Variants in EML6 observed in about 807,000 individuals in gnomAD.
EML6 encodes EMAP like 6, also known as echinoderm microtubule-associated protein-like 6.
EML6 carries 154 observed loss-of-function variants against 240.1 expected under a neutral mutation model. The ratio of observed to expected loss-of-function variants is 0.64; its 90% CI spans 0.56 to 0.73. EML6 has a LOEUF of 0.73. Among genes scored for constraint, EML6 ranks in the 30% least tolerant of loss-of-function variants. The pLI, the probability that EML6 is intolerant of heterozygous loss-of-function variation, is 0.00. For missense variants in EML6, 2,964 were observed against 2,474.6 expected (o/e 1.20, Z -4.20); for synonymous variants, 1,148 against 899.0 (o/e 1.28, Z -4.95).
At position 54,930,953 on chromosome 2, in the gene EML6, C is replaced by CTTTT. The variant is rs34403438; in HGVS notation, c.4004+2221_4004+2224dup. Among the ~76,000 whole-genome samples the CTTTT allele has an allele frequency of 9.1e-4, 95 of 104,610 alleles. 1 individual carries two copies. The highest frequency in any genetic ancestry group is 1.2e-3 in the Admixed American group (11 of 8,836). 68.6% of individuals were successfully genotyped at this position (104,610 alleles called of 152,430 possible). ...ACCTCAGAGATCAGACCGTAGGCAT[C>CTTTT]TTTTTTTTTTTTTTTTTTTTTTGAG... On this transcript the variant is annotated intron_variant, in intron 28 of 41. Transcript: ENST00000356458.
At chr2:54,950,884 A>G in intron 30 of EML6, 105 bp downstream of exon 30, 1 of 1,221,036 alleles carries the variant, frequency 8.2e-7, no homozygotes, top group Non-Finnish European at 1.1e-6. Context: ...TCCCTTATAG[A>G]GCCATTCCCC....
intron 28 of EML6, among the ~76,000 whole-genome samples, chr2:54,939,808 C>G (rs1466330065): frequency 1.3e-5 from 2 of 152,166 alleles, no homozygotes; most frequent in African/African-American, 2.4e-5. Context: ...AGTGGAATTC[C>G]TCTCCCAATT....
chr2:54,896,240 A>C (rs1482560369), intron 21 of EML6, among the ~76,000 whole-genome samples: 1 of 152,138 alleles, frequency 6.6e-6, no homozygotes, highest in South Asian at 2.1e-4. Flanking sequence ...AGTGCCTTAG[A>C]TGTAAGTCCT....
At chr2:54,961,195 T>TGTTTG (rs1676493637) in intron 35 of EML6, among the ~76,000 whole-genome samples, 1 of 117,716 alleles carries the variant, frequency 8.5e-6, no homozygotes, top group Non-Finnish European at 1.7e-5. Context: ...TTTTTTTTTT[T>TGTTTG]TTTTTTTTGA....
Position 54,962,722 on chromosome 2 carries a change from C to A in EML6, c.5157+11C>A. On this transcript the variant is annotated intron_variant, in intron 36 of 41. Transcript: ENST00000356458. ...GACCTGGCTGACAAGGTGAGGCCGA[C>A]TCTGCCCAAACTCAGATGCCCACGA... 1 of 1,461,560 alleles carries A rather than the reference C, an allele frequency of 6.8e-7. No individual in the cohort carries two copies. Among genetic ancestry groups the A allele is most frequent in the Non-Finnish European group, 9.1e-7 (1 of 1,102,978 alleles). 90.5% of individuals were successfully genotyped at this position (1,461,560 alleles called of 1,614,324 possible).
chr2:54,888,764 C>T (rs1329004506), intron 17 of EML6, among the ~76,000 whole-genome samples: 1 of 152,144 alleles, frequency 6.6e-6, no homozygotes, highest in East Asian at 1.9e-4. Context: ...ACCCATTCAC[C>T]TGCTGAAGGA....
intron 26 of EML6, among the ~76,000 whole-genome samples, chr2:54,927,107 T>C (rs939464705): frequency 6.6e-6 from 1 of 152,220 alleles, no homozygotes; most frequent in Non-Finnish European, 1.5e-5. Flanking sequence ...GGAAATTCTT[T>C]TGTTCTGCCT....
At chr2:54,787,424 C>T (rs1432313882) in intron 2 of EML6, among the ~76,000 whole-genome samples, 1 of 152,142 alleles carries the variant, frequency 6.6e-6, no homozygotes, top group Non-Finnish European at 1.5e-5. Flanking sequence ...AGACCTAGGT[C>T]TGAATCTTGG....
chr2:54,793,986 C>G (rs115299318), intron 2 of EML6, among the ~76,000 whole-genome samples: 9 of 152,186 alleles, frequency 5.9e-5, no homozygotes, highest in Non-Finnish European at 1.2e-4. Flanking sequence ...AATAGCTCTT[C>G]GGTCAATTCC....
intron 13 of EML6, 145 bp from the exon 14 acceptor site, chr2:54,866,621 G>T: frequency 8.8e-6 from 4 of 452,608 alleles, no homozygotes; most frequent in South Asian, 5.7e-5. Context: ...TATTCATTAG[G>T]AAAAAGTAAT....
At chr2:54,776,602 G>C (rs1275644775) in intron 2 of EML6, among the ~76,000 whole-genome samples, 1 of 151,680 alleles carries the variant, frequency 6.6e-6, no homozygotes, top group East Asian at 1.9e-4. Flanking sequence ...TTTCATTTAT[G>C]ATCCCTTTGA....
chr2:54,943,456 T>C (rs1479609041), intron 28 of EML6, among the ~76,000 whole-genome samples: 1 of 152,190 alleles, frequency 6.6e-6, no homozygotes, highest in East Asian at 1.9e-4. Context: ...AACAGGTCCT[T>C]TGATTAATCT....
intron 25 of EML6, among the ~76,000 whole-genome samples, chr2:54,912,467 C>T (rs564542740): frequency 1.3e-5 from 2 of 152,086 alleles, no homozygotes; most frequent in Non-Finnish European, 2.9e-5. Flanking sequence ...TTTCATGGGT[C>T]TGTTGTATGA....
intron 6 of EML6, among the ~76,000 whole-genome samples, chr2:54,828,165 A>G (rs978456290): frequency 6.6e-6 from 1 of 152,198 alleles, no homozygotes; most frequent in African/African-American, 2.4e-5. Context: ...AAAGGTGTAG[A>G]TAACGATTGC....
At chr2:54,900,518 G>A (rs1347204701) in intron 22 of EML6, among the ~76,000 whole-genome samples, 2 of 152,222 alleles carry the variant, frequency 1.3e-5, no homozygotes, top group African/African-American at 4.8e-5. Context: ...TGAAGGGACA[G>A]GAGGAGAGGA....
intron 2 of EML6, among the ~76,000 whole-genome samples, chr2:54,741,295 C>G (rs1683617710): frequency 6.6e-6 from 1 of 152,196 alleles, no homozygotes; most frequent in Non-Finnish European, 1.5e-5. Flanking sequence ...AGCCCATCCT[C>G]TGCTCAAGAA....
At chr2:54,788,081 T>C (rs1443960024) in intron 2 of EML6, among the ~76,000 whole-genome samples, 1 of 152,126 alleles carries the variant, frequency 6.6e-6, no homozygotes, top group Non-Finnish European at 1.5e-5. Context: ...TTCGCACGTG[T>C]TTTCTTTAAA....
At chr2:54,910,654 T>C (rs748714406) in intron 24 of EML6, among the ~76,000 whole-genome samples, 7 of 150,942 alleles carry the variant, frequency 4.6e-5, no homozygotes, top group Non-Finnish European at 1.0e-4. Context: ...TCTCAGGCTT[T>C]GGAAAACTAT....
chr2:54,894,966 T>G lies in EML6; in HGVS notation c.2794T>G (p.Phe932Val). ...DGIVELWDDM[F>V]ERCLKTYAIK... is the part of the protein sequence containing the mutation. ...CATCGTGGAGCTCTGGGATGATATG[T>G]TTGAAAGATGTTTGAAGACTTATGC... The change falls in exon 20 of 42, where the codon TTT (phenylalanine) becomes GTT (valine). Residue 932 changes from phenylalanine to valine, a missense_variant. Transcript: ENST00000356458. 6.4e-7 allele frequency: 1 copy of G among 1,551,448 alleles called. No individual in the cohort carries two copies. The highest frequency in any genetic ancestry group is 8.7e-7 in the Non-Finnish European group (1 of 1,146,786).
Sources: gnomAD v4.1 joint callset for allele counts (sites outside exome capture counted in the v4.1 genomes callset) on GRCh38, gnomAD v4.1.1 for gene constraint, MANE v1.5 for transcripts, NCBI Gene and HGNC (gene_info 2026-07-23, HGNC 2026-07-21) for gene names.